The following CFAP65 variants were observed in gnomAD, a reference collection of about 807,000 sequenced individuals.
CFAP65 encodes cilia and flagella associated protein 65, also known as cilia- and flagella-associated protein 65.
In CFAP65, 155 loss-of-function variants were observed where a neutral mutation model predicts 208.0. The observed-to-expected ratio is 0.75, with a 90% CI of 0.65 to 0.85. CFAP65 has a LOEUF of 0.85. Among genes scored for constraint, CFAP65 ranks in the 40% least tolerant of loss-of-function variants. The pLI, the probability that CFAP65 is intolerant of heterozygous loss-of-function variation, is 0.00. For missense variants in CFAP65, 2,294 were observed against 2,451.3 expected, an observed-to-expected ratio of 0.94 and a Z score of 1.36; for synonymous variants, 970 against 986.3, an observed-to-expected ratio of 0.98 and a Z score of 0.31.
Position 219,013,514 on chromosome 2 carries a change from C to T in CFAP65, c.3846+5G>A, listed in dbSNP as rs763365642. ...TAGGGCAGGGCCAGTGTGCTGGGGC[C>T]TCACCAGGATCTCCCGGCCATGGGA... is the stretch of plus-strand genomic sequence containing the variant. On this transcript the variant is annotated splice_donor_5th_base_variant and intron_variant, in intron 23 of 34. Transcript: ENST00000341552. 1.3e-6 allele frequency: 2 copies of T among 1,595,668 alleles called. No individual in the cohort carries two copies. Among genetic ancestry groups the T allele is most frequent in the Non-Finnish European group, 1.7e-6 (2 of 1,172,604 alleles).
intron 14 of CFAP65, among the ~76,000 whole-genome samples, chr2:219,025,667 G>T (rs1947581807): frequency 1.3e-5 from 2 of 152,154 alleles, no homozygotes; most frequent in South Asian, 4.1e-4. Flanking sequence ...TCATATCCCT[G>T]GGCCCGAGCC....
At chr2:219,019,281 C>G (rs765166344) in intron 20 of CFAP65, 102 bp from the exon 21 acceptor site, 101 of 1,409,890 alleles carry the variant, frequency 7.2e-5, no homozygotes, top group Non-Finnish European at 9.4e-5. Context: ...CAAGTGGGAA[C>G]TGGAGAATCT....
chr2:219,011,733 G>A (rs909907262), intron 24 of CFAP65, among the ~76,000 whole-genome samples: 8 of 152,224 alleles, frequency 5.3e-5, no homozygotes, highest in African/African-American at 1.7e-4. Flanking sequence ...ATTGAAGCCA[G>A]AGAGAATAGA....
chr2:219,018,862 G>A (rs1244166440), intron 21 of CFAP65, 189 bp downstream of exon 21: 16 of 709,926 alleles, frequency 2.3e-5, no homozygotes, highest in Non-Finnish European at 3.2e-5. Flanking sequence ...TGTCTCAGCC[G>A]GTGACAGGCC....
chr2:219,027,702 G>C lies in CFAP65; in HGVS notation c.2159C>G (p.Pro720Arg), dbSNP rs1489867399. 1 of 1,614,082 alleles carries C rather than the reference G, an allele frequency of 6.2e-7. No individual in the cohort carries two copies. Among genetic ancestry groups the C allele is most frequent in the Admixed American group, 1.7e-5 (1 of 60,026 alleles). The stretch of plus-strand genomic sequence containing the variant: ...CACCGTGTAAAGGCAGTTGGGGTGA[G>C]GCGGCTGGAAGTGCAGGCGCATGGC... ...SMAMRLHFQP[P>R]HPNCLYTVEL... The change falls in exon 13 of 35, where the codon CCT becomes CGT. Residue 720 changes from proline to arginine, a missense_variant. Pro to Arg is a moderately radical substitution (Grantham distance 103, BLOSUM62 -2). This residue lies in a region of CFAP65 where 867 missense variants were observed against 1,012.6 expected (regional missense o/e 0.86). Transcript: ENST00000341552.
chr2:219,017,189 G>A (rs1331514806), intron 21 of CFAP65, among the ~76,000 whole-genome samples: 1 of 152,196 alleles, frequency 6.6e-6, no homozygotes, highest in African/African-American at 2.4e-5. Context: ...TAAAGGTGTG[G>A]CCAATGAATT....
rs1250749628 is a variant in CFAP65 at position 219,040,544 on chromosome 2, A to T, written c.-28T>A. On this transcript the variant is annotated 5_prime_UTR_variant, in exon 2 of 35. Transcript: ENST00000341552. ...CTCCAATTGTGAACTGGACGTTCAG[A>T]TGAAATCAAAGAAATGTAAGCTGAG... is the stretch of plus-strand genomic sequence containing the variant. 7.1e-6 allele frequency: 11 copies of T among 1,545,612 alleles called. No individual in the cohort carries two copies. Among genetic ancestry groups the T allele is most frequent in the African/African-American group, 1.4e-5 (1 of 72,970 alleles).
Position 219,021,065 on chromosome 2 carries a change from C to T in CFAP65, c.3259+87G>A, listed in dbSNP as rs901894878. ...CACTCACCCTGCCAGCTCTGCCTGA[C>T]GCTCGGCATCCACTGCCTCACACAG... On this transcript the variant is annotated intron_variant, in intron 19 of 34. Transcript: ENST00000341552. The T allele has an allele frequency of 3.2e-5, 45 of 1,415,220 alleles. No individual in the cohort carries two copies. The Middle Eastern group carries it at 5.6e-4, about 18-fold the overall frequency. The allele number at this position is 1,415,220 out of a possible 1,614,324, so 87.7% of individuals were successfully genotyped here. A position where few individuals can be genotyped will look rare whatever the true frequency, so the allele number is the denominator to read the frequency against.
intron 14 of CFAP65, among the ~76,000 whole-genome samples, chr2:219,024,806 T>C (rs1158476845): frequency 2.0e-5 from 3 of 152,136 alleles, no homozygotes; most frequent in Non-Finnish European, 4.4e-5. Context: ...TGTAGTGGCG[T>C]GCATCTGTAA....
chr2:219,009,875 T>TG, intron 27 of CFAP65, 67 bp downstream of exon 27: 1 of 1,347,804 alleles, frequency 7.4e-7, no homozygotes, highest in Non-Finnish European at 9.8e-7. Context: ...TGGTATGGGA[T>TG]GGGGTCAGGT....
intron 24 of CFAP65, among the ~76,000 whole-genome samples, chr2:219,011,354 C>T (rs1014026099): frequency 1.3e-4 from 20 of 149,920 alleles, no homozygotes; most frequent in Non-Finnish European, 2.2e-4. Context: ...GGCTCACTGC[C>T]GCCTTGACCT....
chr2:219,021,413 CCCT>C, intron 18 of CFAP65, 133 bp from the exon 19 acceptor site: 1 of 1,121,672 alleles, frequency 8.9e-7, no homozygotes, highest in Non-Finnish European at 1.2e-6. Flanking sequence ...GGAGTGGAGC[CCCT>C]CCTCCCAGCC....
At chr2:219,035,272 G>T in intron 5 of CFAP65, 1 of 1,458,870 alleles carries the variant, frequency 6.9e-7, no homozygotes, top group Non-Finnish European at 9.1e-7. Context: ...ATACATTATG[G>T]TACAGGCACA....
chr2:219,009,296 G>T, intron 28 of CFAP65, 51 bp downstream of exon 28: 1 of 1,489,440 alleles, frequency 6.7e-7, no homozygotes, highest in Non-Finnish European at 9.4e-7. Context: ...CCCCACCCCA[G>T]CATTGGGAGC....
chr2:219,033,258 C>A (rs1948161295), intron 5 of CFAP65, among the ~76,000 whole-genome samples: 1 of 152,136 alleles, frequency 6.6e-6, no homozygotes, highest in South Asian at 2.1e-4. Context: ...TATCATTTGA[C>A]CCAGGTGTTT....
At position 219,019,507 on chromosome 2, in the gene CFAP65, T is replaced by C; in HGVS notation, c.3472A>G (p.Ser1158Gly). Residue 1158 changes from serine (S) to glycine (G), a missense_variant and splice_region_variant, in exon 20 of 35, where the codon AGC becomes GGC. Ser to Gly is a moderately conservative substitution (Grantham distance 56). This residue lies in a region of CFAP65 where 1,427 missense variants were observed against 1,438.7 expected (regional missense o/e 0.99). Transcript: ENST00000341552. ...ACCCCCACTCCAGGCTCAGCTCACC[T>C]GTGCCGGGTGGGCACCTTGTAGGTG... ...ELTYKVPTRH[S>G]MSQIPPVLTP... 5 of 1,611,350 alleles carry C rather than the reference T, an allele frequency of 3.1e-6. No homozygotes were observed. Among genetic ancestry groups the C allele is most frequent in the Non-Finnish European group, 3.4e-6 (4 of 1,179,374 alleles).
intron 13 of CFAP65, chr2:219,027,281 G>A (rs535971956): frequency 6.5e-5 from 89 of 1,372,798 alleles, no homozygotes; most frequent in Admixed American, 3.2e-4. Context: ...CTTCCTGCCC[G>A]CTCAAAGCTC....
intron 21 of CFAP65, chr2:219,015,230 C>G (rs1371170239): frequency 6.8e-6 from 1 of 147,888 alleles, no homozygotes; most frequent in Non-Finnish European, 1.5e-5. Flanking sequence ...GGAGAATGCA[C>G]ACAACACACA....
At chr2:219,037,419 A>T (rs1352630428) in intron 4 of CFAP65, among the ~76,000 whole-genome samples, 1 of 152,166 alleles carries the variant, frequency 6.6e-6, no homozygotes, top group Non-Finnish European at 1.5e-5. Flanking sequence ...CAAACAAACA[A>T]CAACAACAAG....
Sources: gnomAD v4.1 joint callset for allele counts (sites outside exome capture counted in the v4.1 genomes callset) on GRCh38, gnomAD v4.1.1 for gene constraint, gnomAD v4.1.1 regional missense constraint, MANE v1.5 for transcripts, NCBI Gene and HGNC (gene_info 2026-07-23, HGNC 2026-07-21) for gene names.